DNER: variants seen among roughly 807,000 people sequenced by gnomAD.
The protein encoded by DNER is delta and Notch-like epidermal growth factor-related receptor.
DNER carries 33 observed loss-of-function variants against 78.2 expected under a neutral mutation model. That is an observed-to-expected ratio of 0.42 (90% CI 0.32 to 0.56). The LOEUF (loss-of-function observed/expected upper bound fraction) is 0.56, where lower values mean the gene tolerates loss of function less well. Among genes scored for constraint, DNER ranks in the 20% least tolerant of loss-of-function variants. The pLI is 0.11. For missense variants in DNER, 918 were observed against 975.3 expected, an observed-to-expected ratio of 0.94 and a Z score of 0.78; for synonymous variants, 417 against 384.8, an observed-to-expected ratio of 1.08 and a Z score of -0.98.
intron 7 of DNER, among the ~76,000 whole-genome samples, chr2:229,461,615 A>G (rs72986925): frequency 0.01 from 1,555 of 152,222 alleles, 16 homozygotes; most frequent in South Asian, 0.019. Flanking sequence ...TAAAAATAAT[A>G]GTAGTATTTA....
At chr2:229,564,356 CTCACCCCATCACCATCATCATCATCA>C (rs1697053276) in intron 4 of DNER, among the ~76,000 whole-genome samples, 10 of 125,396 alleles carry the variant, frequency 8.0e-5, no homozygotes, top group South Asian at 3.0e-4. Context: ...CATCATCATC[CTCACCCCATCACCATCATCATCATCA>C]TCACCCCATC....
chr2:229,674,240 T>C (rs548743094), intron 1 of DNER, among the ~76,000 whole-genome samples: 1 of 152,322 alleles, frequency 6.6e-6, no homozygotes, highest in East Asian at 1.9e-4. Context: ...TTTGAAAGTG[T>C]CACCCATTTC....
At chr2:229,523,611 C>A (rs1374987307) in intron 5 of DNER, among the ~76,000 whole-genome samples, 3 of 152,244 alleles carry the variant, frequency 2.0e-5, no homozygotes, top group Non-Finnish European at 4.4e-5. Context: ...ACTCTTAGTA[C>A]CGCAGGTTAT....
At chr2:229,473,751 T>C (rs1442402660) in intron 7 of DNER, among the ~76,000 whole-genome samples, 2 of 151,908 alleles carry the variant, frequency 1.3e-5, no homozygotes, top group African/African-American at 4.8e-5. Flanking sequence ...GCAGACAGAA[T>C]CAACAAAAAC....
chr2:229,561,481 C>T lies in DNER; in HGVS notation c.848-14389G>A, dbSNP rs1696958845. ...ACTTTATAAACATCTCAGGTACACT[C>T]TCTGTCTATTCATCCTGCAGAGAAA... On this transcript the variant is annotated intron_variant, in intron 4 of 12. Transcript: ENST00000341772. Among the ~76,000 whole-genome samples the T allele has an allele frequency of 2.6e-5, 4 of 152,098 alleles. No individual in the cohort carries two copies. The South Asian group carries it at 8.3e-4, about 32-fold the overall frequency.
chr2:229,361,007 T>A (rs1177639313), intron 12 of DNER, among the ~76,000 whole-genome samples: 2 of 152,198 alleles, frequency 1.3e-5, no homozygotes, highest in Non-Finnish European at 2.9e-5. Context: ...TTTGTCCAAA[T>A]TCCTTAGGAG....
At chr2:229,456,765 T>C (rs181389265) in intron 7 of DNER, among the ~76,000 whole-genome samples, 1 of 152,096 alleles carries the variant, frequency 6.6e-6, no homozygotes. Flanking sequence ...ACCACACAGA[T>C]GATGACCGAG....
chr2:229,448,579 C>A (rs1477897580), intron 7 of DNER, among the ~76,000 whole-genome samples: 4 of 152,074 alleles, frequency 2.6e-5, no homozygotes, highest in Non-Finnish European at 5.9e-5. Context: ...TTAACTTTTT[C>A]TTTTAAATAT....
intron 4 of DNER, among the ~76,000 whole-genome samples, chr2:229,583,713 T>A (rs903465072): frequency 6.6e-6 from 1 of 152,224 alleles, no homozygotes; most frequent in South Asian, 2.1e-4. Flanking sequence ...AGAAACTACA[T>A]CCTTTTAGAT....
chr2:229,592,768 A>G (rs57421787), intron 1 of DNER, among the ~76,000 whole-genome samples: 6,170 of 152,268 alleles, frequency 0.041, 419 homozygotes, highest in African/African-American at 0.14. Flanking sequence ...CTGTTCAATT[A>G]GGATTTGTTT....
intron 11 of DNER, among the ~76,000 whole-genome samples, chr2:229,382,319 C>T (rs1298109625): frequency 6.6e-6 from 1 of 152,074 alleles, no homozygotes; most frequent in Non-Finnish European, 1.5e-5. Context: ...AAAACCAGCA[C>T]AAAAAGGCTA....
At chr2:229,684,169 AGT>A (rs59016911) in intron 1 of DNER, among the ~76,000 whole-genome samples, 11,092 of 93,828 alleles carry the variant, frequency 0.12, 472 homozygotes, top group Admixed American at 0.17. Context: ...AGAGAGAGAG[AGT>A]GTGTGTGTGT....
chr2:229,620,884 G>A (rs1307042947), intron 1 of DNER, among the ~76,000 whole-genome samples: 7 of 152,168 alleles, frequency 4.6e-5, no homozygotes, highest in East Asian at 3.9e-4. Flanking sequence ...AGGAGGAGAG[G>A]CCGTATGAGG....
intron 11 of DNER, among the ~76,000 whole-genome samples, chr2:229,375,197 C>A (rs187753198): frequency 5.6e-4 from 85 of 152,222 alleles, no homozygotes; most frequent in African/African-American, 2.0e-3. Flanking sequence ...AGCAGATGCC[C>A]AGAGACTTTT....
chr2:229,552,622 G>A (rs1696768863), intron 4 of DNER, among the ~76,000 whole-genome samples: 2 of 152,124 alleles, frequency 1.3e-5, no homozygotes, highest in African/African-American at 4.8e-5. Context: ...TGCGAAGAAG[G>A]ACATGTTTGC....
chr2:229,562,906 TCATCATCATCCTTATCCCATCAC>T, intron 4 of DNER, among the ~76,000 whole-genome samples: 1 of 151,902 alleles, frequency 6.6e-6, no homozygotes, highest in African/African-American at 2.4e-5. Context: ...ATCATCAACT[TCATCATCATCCTTATCCCATCAC>T]CATCATCATC....
intron 10 of DNER, among the ~76,000 whole-genome samples, chr2:229,399,540 A>C (rs1344555126): frequency 1.3e-5 from 2 of 152,078 alleles, no homozygotes. Context: ...GATTATTGTA[A>C]AATTTATATG....
At chr2:229,615,164 C>G (rs1420758668) in intron 1 of DNER, among the ~76,000 whole-genome samples, 1 of 152,132 alleles carries the variant, frequency 6.6e-6, no homozygotes, top group Non-Finnish European at 1.5e-5. Context: ...GTAATCCCAG[C>G]ACTTTGGGAG....
At chr2:229,376,201 G>A (rs1041980904) in intron 11 of DNER, among the ~76,000 whole-genome samples, 8 of 152,074 alleles carry the variant, frequency 5.3e-5, no homozygotes, top group African/African-American at 7.2e-5. Flanking sequence ...ACTAATCAAC[G>A]AAGCGATGGT....
Sources: allele counts gnomAD v4.1 joint callset (sites outside exome capture counted in the v4.1 genomes callset), GRCh38; gene constraint gnomAD v4.1.1; transcripts MANE v1.5; gene names NCBI Gene and HGNC (gene_info 2026-07-23, HGNC 2026-07-21).